Variants in CHRM2 observed in about 807,000 individuals in gnomAD.
CHRM2 encodes muscarinic acetylcholine receptor M2.
In CHRM2, 8 loss-of-function variants were observed where a neutral mutation model predicts 25.0. That is an observed-to-expected ratio of 0.32 (90% CI 0.19 to 0.58). The LOEUF is 0.58. Ranked by LOEUF, CHRM2 falls within the 20% of genes least tolerant of loss-of-function variation. CHRM2 has a pLI of 0.88. For missense variants in CHRM2, 440 were observed against 567.1 expected (o/e 0.78, Z 2.28); for synonymous variants, 202 against 205.7 (o/e 0.98, Z 0.15).
At chr7:136,897,697 G>GA (rs35775059) in intron 2 of CHRM2, among the ~76,000 whole-genome samples, 108 of 148,040 alleles carry the variant, frequency 7.3e-4, no homozygotes, top group Middle Eastern at 3.5e-3. Flanking sequence ...ACAGTCATGG[G>GA]AAAAAAAAAA....
intron 2 of CHRM2, among the ~76,000 whole-genome samples, chr7:136,888,614 T>C (rs1796565351): frequency 6.6e-6 from 1 of 152,176 alleles, no homozygotes; most frequent in African/African-American, 2.4e-5. Flanking sequence ...TGTGTGTTGA[T>C]GAGCCCTGTG....
At chr7:136,887,363 C>T (rs1796508247) in intron 2 of CHRM2, among the ~76,000 whole-genome samples, 1 of 151,704 alleles carries the variant, frequency 6.6e-6, no homozygotes, top group African/African-American at 2.4e-5. Flanking sequence ...AGGATAGTAA[C>T]AACACATTGA....
At chr7:136,914,868 G>A (rs554993625) in intron 2 of CHRM2, among the ~76,000 whole-genome samples, 23 of 152,056 alleles carry the variant, frequency 1.5e-4, no homozygotes, top group African/African-American at 5.3e-4. Flanking sequence ...ACTCTGCTGA[G>A]TGAATGGCAA....
intron 2 of CHRM2, among the ~76,000 whole-genome samples, chr7:136,921,847 T>C (rs1798465728): frequency 6.7e-6 from 1 of 149,640 alleles, no homozygotes; most frequent in African/African-American, 2.4e-5. Flanking sequence ...TGCAGTGGCA[T>C]ATCTGCTCAC....
intron 3 of CHRM2, 140 bp from the exon 4 acceptor site, chr7:137,014,680 T>C (rs967537918): frequency 2.5e-5 from 16 of 639,196 alleles, no homozygotes; most frequent in Admixed American, 1.5e-4. Context: ...ACATGGGGAA[T>C]TGAGGCAGGT....
At chr7:136,939,009 G>C (rs1323807530) in intron 2 of CHRM2, among the ~76,000 whole-genome samples, 1 of 134,816 alleles carries the variant, frequency 7.4e-6, no homozygotes, top group Non-Finnish European at 1.5e-5. Context: ...CCAATTCTAA[G>C]AGGCAGGATA....
At chr7:136,876,766 G>A (rs1198925912) in intron 2 of CHRM2, among the ~76,000 whole-genome samples, 1 of 152,096 alleles carries the variant, frequency 6.6e-6, no homozygotes, top group Non-Finnish European at 1.5e-5. Context: ...TCTTTTCTGA[G>A]GCTGAGAATC....
At chr7:136,978,846 A>G (rs1244465335) in intron 2 of CHRM2, among the ~76,000 whole-genome samples, 1 of 152,176 alleles carries the variant, frequency 6.6e-6, no homozygotes, top group African/African-American at 2.4e-5. Context: ...TATCCAGTGT[A>G]GCATTGATGG....
intron 2 of CHRM2, among the ~76,000 whole-genome samples, chr7:136,921,794 C>CTTTCTTTT (rs776923730): frequency 0.027 from 3,198 of 116,540 alleles, 148 homozygotes; most frequent in African/African-American, 0.084. Context: ...TTCTTTCTTT[C>CTTTCTTTT]TTTTTTTTGA....
At chr7:136,907,270 C>T (rs1369007574) in intron 2 of CHRM2, among the ~76,000 whole-genome samples, 1 of 151,872 alleles carries the variant, frequency 6.6e-6, no homozygotes, top group Admixed American at 6.6e-5. Flanking sequence ...TAGATGACTA[C>T]AAAAATCTTG....
At chr7:136,958,137 C>T (rs1047234740) in intron 2 of CHRM2, among the ~76,000 whole-genome samples, 8 of 152,050 alleles carry the variant, frequency 5.3e-5, no homozygotes, top group African/African-American at 1.7e-4. Flanking sequence ...CATTTTTATG[C>T]TAACGGAAAT....
At chr7:136,927,115 C>T (rs192881795) in intron 2 of CHRM2, among the ~76,000 whole-genome samples, 37 of 152,290 alleles carry the variant, frequency 2.4e-4, no homozygotes, top group African/African-American at 8.9e-4. Flanking sequence ...GTAAATTTAT[C>T]AACTACTTCA....
intron 3 of CHRM2, among the ~76,000 whole-genome samples, chr7:137,010,753 A>C (rs1446814580): frequency 6.6e-6 from 1 of 152,054 alleles, no homozygotes; most frequent in East Asian, 1.9e-4. Context: ...GTTTGTTAAC[A>C]TTACATAAAT....
chr7:137,002,875 C>A (rs1482961825), intron 3 of CHRM2, among the ~76,000 whole-genome samples: 2 of 152,026 alleles, frequency 1.3e-5, no homozygotes, highest in Admixed American at 1.3e-4. Context: ...GTAATAGTGA[C>A]TGCTTAACAG....
intron 2 of CHRM2, among the ~76,000 whole-genome samples, chr7:136,880,015 T>C (rs1470285053): frequency 1.3e-5 from 2 of 150,920 alleles, no homozygotes; most frequent in Admixed American, 1.3e-4. Context: ...TTCATCACAG[T>C]GCAAGTTCCC....
At chr7:137,005,440 T>A (rs553363918) in intron 3 of CHRM2, among the ~76,000 whole-genome samples, 16 of 151,890 alleles carry the variant, frequency 1.1e-4, no homozygotes, top group Admixed American at 2.6e-4. Flanking sequence ...CTGAAAAAAA[T>A]TTCACTTCTA....
chr7:136,953,804 G>A (rs916442951), intron 2 of CHRM2, among the ~76,000 whole-genome samples: 2 of 152,134 alleles, frequency 1.3e-5, no homozygotes, highest in African/African-American at 4.8e-5. Flanking sequence ...CAGAAAGGCA[G>A]TATCTGTTGG....
chr7:136,978,713 T>C (rs991172485), intron 2 of CHRM2, among the ~76,000 whole-genome samples: 2 of 152,202 alleles, frequency 1.3e-5, no homozygotes, highest in Non-Finnish European at 2.9e-5. Context: ...TGGTTTTCTG[T>C]TTCTGTGTTA....
intron 3 of CHRM2, among the ~76,000 whole-genome samples, chr7:137,012,577 TA>T (rs1201040798): frequency 9.2e-5 from 14 of 152,040 alleles, no homozygotes; most frequent in Admixed American, 6.6e-5. Context: ...TCTAACTATA[TA>T]ACTTTCCACA....
Sources: gnomAD v4.1 joint callset for allele counts (sites outside exome capture counted in the v4.1 genomes callset) on GRCh38, gnomAD v4.1.1 for gene constraint, MANE v1.5 for transcripts, NCBI Gene and HGNC (gene_info 2026-07-23, HGNC 2026-07-21) for gene names.